TTC13: variants seen among roughly 807,000 people sequenced by gnomAD.
TTC13 encodes the protein tetratricopeptide repeat protein 13.
Under a neutral mutation model 120.0 loss-of-function variants are expected in TTC13, and 62 were observed. The observed-to-expected ratio is 0.52, with a 90% CI of 0.42 to 0.64. TTC13 has a LOEUF of 0.64. Ranked by LOEUF, TTC13 falls within the 30% of genes least tolerant of loss-of-function variation. The pLI is 0.00. For missense variants in TTC13, 824 were observed against 1,050.2 expected (o/e 0.78, Z 2.98); for synonymous variants, 384 against 393.5 (o/e 0.98, Z 0.28).
In TTC13 at chr1:230,949,567, A is replaced by G. The variant is rs1217362599; in HGVS notation, c.514-4113T>C. Among the ~76,000 whole-genome samples, 4 of 150,872 alleles carry G rather than the reference A, an allele frequency of 2.7e-5. No individual in the cohort carries two copies. In the East Asian group the frequency reaches 7.9e-4, roughly 30 times the overall value. On this transcript the variant is annotated intron_variant, in intron 4 of 22. Transcript: ENST00000366661. ...CCTCAAGTCACCCCATGGTCTCATCATTACTACAGCACTGAATTGATTACT... is the reference window on the plus strand; with the variant it reads ...CCTCAAGTCACCCCATGGTCTCATCGTTACTACAGCACTGAATTGATTACT...
chr1:230,978,352 G>A lies in TTC13; in HGVS notation c.271+208C>T, dbSNP rs1031602538. Among the ~76,000 whole-genome samples the A allele has an allele frequency of 1.1e-4, 16 of 152,080 alleles. No individual in the cohort carries two copies. Among genetic ancestry groups the A allele is most frequent in the Non-Finnish European group, 2.4e-4 (16 of 67,976 alleles). ...AGCTCATTTCTCGACTCGCCGCCCTGCCCAAAGGCGGCTGCAGGAGGGCGC... is the reference window on the plus strand; with the variant it reads ...AGCTCATTTCTCGACTCGCCGCCCTACCCAAAGGCGGCTGCAGGAGGGCGC... On this transcript the variant is annotated intron_variant, in intron 1 of 22. Coordinates refer to ENST00000366661, the MANE Select transcript of TTC13 (RefSeq NM_024525.5). This position sits in a 1 kb window ranked among gnomAD's most constrained non-coding sequence, Gnocchi z 5.6.
chr1:230,940,668 A>T lies in TTC13; in HGVS notation c.673-112T>A. On this transcript the variant is annotated intron_variant, in intron 6 of 22. Transcript: ENST00000366661. This position sits in a 1 kb window ranked among gnomAD's most constrained non-coding sequence, Gnocchi z 4.1. ...CATACTCCACTCAAAAATTACTCTC[A>T]GCAGGCTGCAATCCTTGACCCCCTA... The T allele has an allele frequency of 1.4e-6, 1 of 711,216 alleles. No homozygotes were observed. The highest frequency in any genetic ancestry group is 2.0e-5 in the Admixed American group (1 of 49,540). The allele number at this position is 711,216 out of a possible 1,614,324, so 44.1% of individuals were successfully genotyped here.
chr1:230,942,888 C>T lies in TTC13; in HGVS notation c.672+918G>A, dbSNP rs1013352968. ...TCCCCTTCTTCTCTTCCCAAAGAAG[C>T]GCCTCCTCTGTCTACTTGAGCCAGT... On this transcript the variant is annotated intron_variant, in intron 6 of 22. Coordinates refer to ENST00000366661, the MANE Select transcript of TTC13 (RefSeq NM_024525.5). The surrounding 1 kb of genome is among the most constrained non-coding windows in gnomAD (Gnocchi z 4.0). Among the ~76,000 whole-genome samples, 2 of 152,190 alleles carry T rather than the reference C, an allele frequency of 1.3e-5. No homozygotes were observed. Among genetic ancestry groups the T allele is most frequent in the East Asian group, 1.9e-4 (1 of 5,198 alleles).
At chr1:230,917,988 T>A (rs1297835461) in intron 17 of TTC13, among the ~76,000 whole-genome samples, 1 of 152,182 alleles carries the variant, frequency 6.6e-6, no homozygotes, top group Non-Finnish European at 1.5e-5. Context: ...GACTGATTAT[T>A]ACAGGGATTG....
intron 15 of TTC13, 21 bp from the exon 16 acceptor site, chr1:230,921,525 A>T (rs1672573811): frequency 7.9e-7 from 1 of 1,260,942 alleles, no homozygotes; most frequent in African/African-American, 1.6e-5. Flanking sequence ...AAAATAATAA[A>T]ATTAAGAATA....
intron 3 of TTC13, among the ~76,000 whole-genome samples, chr1:230,957,141 G>A (rs1455513284): frequency 6.6e-6 from 1 of 152,130 alleles, no homozygotes; most frequent in Non-Finnish European, 1.5e-5. Flanking sequence ...AGTCCTCAAA[G>A]CCTCCTCAAA....
At chr1:230,916,385 C>G in intron 17 of TTC13, 83 bp from the exon 18 acceptor site, 1 of 1,037,298 alleles carries the variant, frequency 9.6e-7, no homozygotes, top group Non-Finnish European at 1.5e-6. Context: ...CTGGCTCTAC[C>G]TTACATGTTT....
chr1:230,915,808 T>TAC (rs1671962064), intron 18 of TTC13, among the ~76,000 whole-genome samples: 1 of 151,978 alleles, frequency 6.6e-6, no homozygotes, highest in South Asian at 2.1e-4. Flanking sequence ...TATATATATA[T>TAC]AGATTGGCTT....
At chr1:230,931,640 C>A in intron 10 of TTC13, 96 bp downstream of exon 10, 1 of 1,502,726 alleles carries the variant, frequency 6.7e-7, no homozygotes, top group South Asian at 1.3e-5. Flanking sequence ...AGTAGAAACA[C>A]TATTCTCAGT....
chr1:230,946,909 TG>T (rs1675054603), intron 4 of TTC13, among the ~76,000 whole-genome samples: 1 of 152,282 alleles, frequency 6.6e-6, no homozygotes, highest in Middle Eastern at 3.4e-3. Flanking sequence ...TACAGAAAGA[TG>T]GTAGTCATAT....
intron 8 of TTC13, among the ~76,000 whole-genome samples, chr1:230,938,372 G>A (rs927005060): frequency 2.0e-5 from 3 of 152,146 alleles, no homozygotes; most frequent in Admixed American, 6.5e-5. Context: ...GCAGCTCCCC[G>A]TCAGGTTCCA....
rs567236176 is a variant in TTC13, at chr1:230,968,805, T to G, written c.272-7502A>C. On this transcript the variant is annotated intron_variant, in intron 1 of 22. Transcript: ENST00000366661. Reference sequence around the variant, plus strand: ...AAGGAGTTTAAGAGGAAGAGAGGTTTTAGAGGGAAGTCAAGAGCTAACTTT... The same window carrying G: ...AAGGAGTTTAAGAGGAAGAGAGGTTGTAGAGGGAAGTCAAGAGCTAACTTT... Among the ~76,000 whole-genome samples, 4 of 152,174 alleles carry G rather than the reference T, an allele frequency of 2.6e-5. No homozygotes were observed. The South Asian group carries it at 8.3e-4, about 32-fold the overall frequency.
chr1:230,920,601 G>A lies in TTC13; in HGVS notation c.1899-7C>T. On this transcript the variant is annotated splice_polypyrimidine_tract_variant and splice_region_variant and intron_variant, in intron 16 of 22. Coordinates refer to ENST00000366661, the MANE Select transcript of TTC13 (RefSeq NM_024525.5). ...TCCTTTAGGATTATTAGCTCTTAAAGAGAGACAGAGAGAGATGGCAACTGA... is the reference window on the plus strand; with the variant it reads ...TCCTTTAGGATTATTAGCTCTTAAAAAGAGACAGAGAGAGATGGCAACTGA... 1.3e-6 allele frequency: 2 copies of A among 1,494,142 alleles called. No individual in the cohort carries two copies. Among genetic ancestry groups the A allele is most frequent in the Non-Finnish European group, 1.8e-6 (2 of 1,109,776 alleles). 92.6% of individuals were successfully genotyped at this position (1,494,142 alleles called of 1,614,324 possible).
Position 230,940,601 on chromosome 1 carries a change from C to T in TTC13, c.673-45G>A, listed in dbSNP as rs1450998472. Reference sequence around the variant, plus strand: ...AATCAGGAAGAATACCAATGACCAACCCTAAAATCCCAATGTTTTTGACTC... The same window carrying T: ...AATCAGGAAGAATACCAATGACCAATCCTAAAATCCCAATGTTTTTGACTC... On this transcript the variant is annotated intron_variant, in intron 6 of 22. Coordinates refer to ENST00000366661, the MANE Select transcript of TTC13 (RefSeq NM_024525.5). The surrounding 1 kb of genome is among the most constrained non-coding windows in gnomAD (Gnocchi z 4.1). The T allele has an allele frequency of 1.6e-6, 2 of 1,248,682 alleles. No homozygotes were observed. The highest frequency in any genetic ancestry group is 2.3e-6 in the Non-Finnish European group (2 of 853,590). 77.4% of individuals were successfully genotyped at this position (1,248,682 alleles called of 1,614,324 possible).
chr1:230,961,361 T>A, intron 1 of TTC13, 58 bp from the exon 2 acceptor site: 2 of 1,268,556 alleles, frequency 1.6e-6, no homozygotes, highest in Non-Finnish European at 2.3e-6. Flanking sequence ...CTTAGGTGCT[T>A]AACTATGAAT....
At chr1:230,950,256 T>G (rs1453070760) in intron 4 of TTC13, among the ~76,000 whole-genome samples, 1 of 151,930 alleles carries the variant, frequency 6.6e-6, no homozygotes, top group African/African-American at 2.4e-5. Flanking sequence ...ATTTATACTT[T>G]ATAAAGTTTT....
At chr1:230,973,695 A>G (rs748594364) in intron 1 of TTC13, among the ~76,000 whole-genome samples, 7 of 152,210 alleles carry the variant, frequency 4.6e-5, no homozygotes, top group Non-Finnish European at 8.8e-5. Context: ...ATATGCTTGA[A>G]CCATAAAATA....
chr1:230,958,420 G>C, intron 2 of TTC13, 121 bp from the exon 3 acceptor site: 2 of 1,129,928 alleles, frequency 1.8e-6, no homozygotes, highest in Admixed American at 2.8e-5. Flanking sequence ...GTGGAAGCAA[G>C]AAAATGCCAC....
At chr1:230,928,904 G>GA (rs752589518) in intron 12 of TTC13, 33 bp downstream of exon 12, 177 of 1,593,538 alleles carry the variant, frequency 1.1e-4, no homozygotes, top group South Asian at 2.1e-4. Flanking sequence ...TTTGAGAAAG[G>GA]AAAAAAAAAT....
Sources: gnomAD v4.1 joint callset for allele counts (sites outside exome capture counted in the v4.1 genomes callset) on GRCh38, gnomAD v4.1.1 for gene constraint, Gnocchi (gnomAD v3.1) non-coding constraint, MANE v1.5 for transcripts, NCBI Gene and HGNC (gene_info 2026-07-23, HGNC 2026-07-21) for gene names.